Variants in PCDHGB2 observed in about 807,000 individuals in gnomAD.
PCDHGB2 encodes protocadherin gamma subfamily B, 2.
In PCDHGB2, 55 loss-of-function variants were observed where a neutral mutation model predicts 59.3. The observed-to-expected ratio is 0.93, with a 90% CI of 0.75 to 1.16. The LOEUF (loss-of-function observed/expected upper bound fraction) is 1.16. Among genes scored for constraint, PCDHGB2 ranks in the 50% most tolerant of loss-of-function variants. The pLI, the probability that PCDHGB2 is intolerant of heterozygous loss-of-function variation, is 0.00. For synonymous variants in PCDHGB2, 516 were observed against 512.0 expected (o/e 1.01, Z -0.11); for missense variants, 1,228 against 1,198.5 (o/e 1.02, Z -0.36).
intron 1 of PCDHGB2, chr5:141,421,478 G>C: frequency 6.2e-7 from 1 of 1,614,130 alleles, no homozygotes. Context: ...CGAAGCGGCA[G>C]CTTGATCACG....
chr5:141,465,759 A>G (rs2099108647), intron 1 of PCDHGB2, among the ~76,000 whole-genome samples: 2 of 151,280 alleles, frequency 1.3e-5, no homozygotes, highest in South Asian at 4.2e-4. Context: ...TGGTAAAGTC[A>G]TGTTTCATCT....
chr5:141,399,745 G>A (rs1472441281), intron 1 of PCDHGB2: 2 of 1,613,194 alleles, frequency 1.2e-6, no homozygotes, highest in African/African-American at 2.7e-5. Flanking sequence ...TGCGCTCAGC[G>A]CAAACGTGAG....
At chr5:141,381,826 C>CTTTTTTTTTTTTTTTTTTTTTT (rs770630741) in intron 1 of PCDHGB2, among the ~76,000 whole-genome samples, 11 of 74,280 alleles carry the variant, frequency 1.5e-4, no homozygotes, top group South Asian at 5.1e-4. Flanking sequence ...CTTTCTTCTT[C>CTTTTTTTTTTTTTTTTTTTTTT]TTTTTTTTTT....
intron 1 of PCDHGB2, chr5:141,412,854 A>G (rs1356959630): frequency 4.5e-6 from 1 of 223,412 alleles, no homozygotes; most frequent in South Asian, 1.8e-4. Context: ...GAGAAACCAA[A>G]GAATCTATGT....
intron 1 of PCDHGB2, chr5:141,391,260 A>G (rs2092328802): frequency 1.3e-5 from 2 of 152,128 alleles, no homozygotes; most frequent in African/African-American, 4.8e-5. Flanking sequence ...TGCTTCAGTT[A>G]ATGGCCACTT....
chr5:141,374,152 G>T (rs1190094932), intron 1 of PCDHGB2: 1 of 1,612,132 alleles, frequency 6.2e-7, no homozygotes. Context: ...TGGGGACGCT[G>T]TGGGGGGCCG....
chr5:141,398,747 A>G (rs1046077050), intron 1 of PCDHGB2: 5 of 1,613,378 alleles, frequency 3.1e-6, no homozygotes, highest in Non-Finnish European at 4.2e-6. Flanking sequence ...CAACAGAGTT[A>G]CCATCGTTTA....
At chr5:141,415,122 C>G (rs552568826) in intron 1 of PCDHGB2, 1 of 1,613,668 alleles carries the variant, frequency 6.2e-7, no homozygotes, top group Non-Finnish European at 8.5e-7. Context: ...TCGTAGTGGC[C>G]GTCCAGGACC....
intron 1 of PCDHGB2, chr5:141,365,399 T>C: frequency 1.2e-6 from 2 of 1,614,008 alleles, no homozygotes; most frequent in Non-Finnish European, 1.7e-6. Context: ...CAGTTCGATC[T>C]CTGAAGACTG....
chr5:141,446,578 GTGAT>G (rs2098507706), intron 1 of PCDHGB2, among the ~76,000 whole-genome samples: 1 of 152,064 alleles, frequency 6.6e-6, no homozygotes, highest in African/African-American at 2.4e-5. Context: ...CCAGGTTCAA[GTGAT>G]TCTTCTGCCT....
In PCDHGB2 at chr5:141,477,486, C is replaced by T. The variant is rs1472326209; in HGVS notation, c.2422-17321C>T. On this transcript the variant is annotated intron_variant, in intron 1 of 3. Coordinates refer to ENST00000522605, the MANE Select transcript of PCDHGB2 (RefSeq NM_018923.3). This position sits in a 1 kb window ranked among gnomAD's most constrained non-coding sequence, Gnocchi z 4.9. ...GACATCAATGACAACCCTCCACAATCTTCTCAATCTTCCTACGACGTTTAC... is the reference window on the plus strand; with the variant it reads ...GACATCAATGACAACCCTCCACAATTTTCTCAATCTTCCTACGACGTTTAC... 6.2e-7 allele frequency: 1 copy of T among 1,614,052 alleles called. No individual in the cohort carries two copies. The highest frequency in any genetic ancestry group is 1.3e-5 in the African/African-American group (1 of 74,914).
At chr5:141,365,821 G>T (rs756787528) in intron 1 of PCDHGB2, 1 of 1,613,908 alleles carries the variant, frequency 6.2e-7, no homozygotes, top group East Asian at 2.2e-5. Flanking sequence ...ACACATTTCA[G>T]GGGGCGCCCT....
chr5:141,423,751 G>GT, intron 1 of PCDHGB2: 12 of 349,026 alleles, frequency 3.4e-5, no homozygotes, highest in Non-Finnish European at 4.3e-5. Context: ...AAAACTGTTT[G>GT]GGGGGGGGGT....
intron 1 of PCDHGB2, chr5:141,398,797 G>C (rs1338071296): frequency 1.2e-6 from 2 of 1,613,898 alleles, no homozygotes; most frequent in Non-Finnish European, 1.7e-6. Flanking sequence ...ACCCCTAAGC[G>C]GCACCACTGA....
chr5:141,397,919 C>T (rs1158998805), intron 1 of PCDHGB2: 12 of 723,342 alleles, frequency 1.7e-5, no homozygotes, highest in Non-Finnish European at 2.2e-5. Context: ...TCCAGATCTC[C>T]TCGCGCAGCC....
chr5:141,466,799 C>T (rs1049340129), intron 1 of PCDHGB2, among the ~76,000 whole-genome samples: 1 of 152,056 alleles, frequency 6.6e-6, no homozygotes, highest in African/African-American at 2.4e-5. Flanking sequence ...CAAACTAGAT[C>T]CTATTCAGAC....
intron 1 of PCDHGB2, chr5:141,416,261 A>G (rs2096009073): frequency 6.6e-6 from 1 of 152,294 alleles, no homozygotes; most frequent in Non-Finnish European, 1.5e-5. Flanking sequence ...ACACTGCAGT[A>G]TCCTTTTTGC....
chr5:141,373,998 T>C lies in PCDHGB2; in HGVS notation c.2421+11442T>C, dbSNP rs934719638. On this transcript the variant is annotated intron_variant, in intron 1 of 3. Transcript: ENST00000522605. ...TCCGGTCTCTGCTTGTTGAAGGACC[T>C]TCACCGCTATTTCTGAGAAGAGCAA... The C allele has an allele frequency of 2.4e-5, 31 of 1,299,320 alleles. No homozygotes were observed. The African/African-American group carries it at 4.6e-4, about 19-fold the overall frequency. The allele number at this position is 1,299,320 out of a possible 1,614,324, so 80.5% of individuals were successfully genotyped here. A position where few individuals can be genotyped will look rare whatever the true frequency, so the allele number is the denominator to read the frequency against.
At position 141,366,468 on chromosome 5, in the gene PCDHGB2, T is replaced by G. The variant is rs745680725; in HGVS notation, c.2421+3912T>G. 5.0e-6 allele frequency: 8 copies of G among 1,614,130 alleles called. No homozygotes were observed. The Admixed American group carries it at 5.0e-5, about 10-fold the overall frequency. On this transcript the variant is annotated intron_variant, in intron 1 of 3. Coordinates refer to ENST00000522605, the MANE Select transcript of PCDHGB2 (RefSeq NM_018923.3). ...CTGGCCTTCGTCATCGTGCTGCTGG[T>G]GCTCAGACTGAGGCGCTGGCACAAG...
Sources: allele counts gnomAD v4.1 joint callset (sites outside exome capture counted in the v4.1 genomes callset), GRCh38; gene constraint gnomAD v4.1.1; non-coding constraint Gnocchi (gnomAD v3.1); transcripts MANE v1.5; gene names NCBI Gene and HGNC (gene_info 2026-07-23, HGNC 2026-07-21).